The following TAF3 variants were observed in gnomAD, a reference collection of about 807,000 sequenced individuals.
TAF3 encodes transcription initiation factor TFIID subunit 3.
Under a neutral mutation model 80.6 loss-of-function variants are expected in TAF3, and 7 were observed. The ratio of observed to expected loss-of-function variants is 0.09; its 90% CI spans 0.05 to 0.16. TAF3 has a LOEUF of 0.16. TAF3 is among the 10% of genes least tolerant of loss of function. TAF3 has a pLI of 1.00. For synonymous variants in TAF3, 444 were observed against 446.1 expected (o/e 1.00, Z 0.06); for missense variants, 921 against 1,140.2 (o/e 0.81, Z 2.77).
chr10:7,904,348 A>C (rs1049412559), intron 2 of TAF3, among the ~76,000 whole-genome samples: 4 of 152,140 alleles, frequency 2.6e-5, no homozygotes, highest in African/African-American at 4.8e-5. Context: ...TTGTAGCCCT[A>C]ATACAACTGA....
chr10:7,866,284 T>C (rs1837214213), intron 2 of TAF3, among the ~76,000 whole-genome samples: 1 of 152,192 alleles, frequency 6.6e-6, no homozygotes, highest in Admixed American at 6.5e-5. Context: ...GCTTCCATGG[T>C]GCTCGCATTC....
At chr10:7,859,849 A>G (rs1442700836) in intron 2 of TAF3, among the ~76,000 whole-genome samples, 1 of 152,220 alleles carries the variant, frequency 6.6e-6, no homozygotes, top group African/African-American at 2.4e-5. Context: ...TGTTGGACAA[A>G]TGGCCGTTTC....
At chr10:7,915,415 C>T (rs1006707118) in intron 2 of TAF3, among the ~76,000 whole-genome samples, 20 of 143,126 alleles carry the variant, frequency 1.4e-4, no homozygotes, top group Admixed American at 2.8e-4. Flanking sequence ...GAGGCCGAGA[C>T]GGGTGGATCA....
chr10:7,965,299 G>A lies in TAF3; in HGVS notation c.1789G>A (p.Asp597Asn). Reference sequence around the variant, plus strand: ...CAAGTTTAAAATCAAAGAATTTGAAGATGTTGATCCCAAAGTGAAATTGAA... The same window carrying A: ...CAAGTTTAAAATCAAAGAATTTGAAAATGTTGATCCCAAAGTGAAATTGAA... The part of the protein sequence containing the change: ...PYKFKIKEFE[D>N]VDPKVKLKDG... The change falls in exon 3 of 7, where the codon GAT becomes AAT. Residue 597 changes from aspartate to asparagine, a missense_variant. Transcript: ENST00000344293. 1 of 1,606,066 alleles carries A rather than the reference G, an allele frequency of 6.2e-7. No homozygotes were observed. Among genetic ancestry groups the A allele is most frequent in the Non-Finnish European group, 8.5e-7 (1 of 1,178,180 alleles).
chr10:7,899,684 T>A (rs1402466848), intron 2 of TAF3, among the ~76,000 whole-genome samples: 4 of 152,214 alleles, frequency 2.6e-5, no homozygotes, highest in Non-Finnish European at 2.9e-5. Context: ...ATGTTCACAG[T>A]AAACATATTA....
At chr10:7,987,003 G>A (rs563274916) in intron 4 of TAF3, among the ~76,000 whole-genome samples, 6 of 152,150 alleles carry the variant, frequency 3.9e-5, no homozygotes, top group South Asian at 4.2e-4. Context: ...TGACTGTGCC[G>A]TGTGTATTTC....
intron 2 of TAF3, among the ~76,000 whole-genome samples, chr10:7,827,075 T>C (rs984602273): frequency 3.3e-5 from 5 of 152,300 alleles, no homozygotes; most frequent in Non-Finnish European, 4.4e-5. Flanking sequence ...GCTTGGTTCA[T>C]GTCAAAAAAG....
chr10:7,872,604 T>C (rs987112112), intron 2 of TAF3, among the ~76,000 whole-genome samples: 1 of 152,252 alleles, frequency 6.6e-6, no homozygotes, highest in South Asian at 2.1e-4. Context: ...GCCATAGTTA[T>C]AATATCTTGC....
chr10:7,928,742 C>G (rs545277138), intron 2 of TAF3, among the ~76,000 whole-genome samples: 3 of 152,166 alleles, frequency 2.0e-5, no homozygotes, highest in African/African-American at 7.2e-5. Flanking sequence ...GACTGGGGCC[C>G]TTTCTCTTAT....
At chr10:7,935,794 A>G (rs1837913980) in intron 2 of TAF3, among the ~76,000 whole-genome samples, 1 of 152,150 alleles carries the variant, frequency 6.6e-6, no homozygotes, top group Non-Finnish European at 1.5e-5. Flanking sequence ...GAGGCTGAAG[A>G]CTTCTCATTG....
At chr10:7,839,692 ATT>A (rs71505464) in intron 2 of TAF3, among the ~76,000 whole-genome samples, 1 of 149,954 alleles carries the variant, frequency 6.7e-6, no homozygotes, top group African/African-American at 2.5e-5. Flanking sequence ...GAGTACAATT[ATT>A]TTTTTTTTAA....
intron 4 of TAF3, among the ~76,000 whole-genome samples, chr10:7,980,633 A>G (rs1400891612): frequency 6.6e-6 from 1 of 152,230 alleles, no homozygotes; most frequent in Admixed American, 6.5e-5. Context: ...TACAGTCTCA[A>G]CACCTAGAGA....
At chr10:7,877,178 G>A (rs1422021333) in intron 2 of TAF3, among the ~76,000 whole-genome samples, 1 of 151,902 alleles carries the variant, frequency 6.6e-6, no homozygotes, top group African/African-American at 2.4e-5. Context: ...TAATTACTTA[G>A]CTTAAGTGAG....
chr10:7,830,173 A>G (rs561755132), intron 2 of TAF3, among the ~76,000 whole-genome samples: 8 of 152,188 alleles, frequency 5.3e-5, no homozygotes, highest in African/African-American at 1.7e-4. Flanking sequence ...AGCTCCTGCC[A>G]TCCTTTTCTT....
chr10:7,851,004 A>G (rs1169119707), intron 2 of TAF3, among the ~76,000 whole-genome samples: 1 of 152,204 alleles, frequency 6.6e-6, no homozygotes, highest in Admixed American at 6.5e-5. Context: ...AAGCAGATAA[A>G]CAGTCTCTGC....
At chr10:7,943,120 T>G (rs948420224) in intron 2 of TAF3, among the ~76,000 whole-genome samples, 1 of 152,190 alleles carries the variant, frequency 6.6e-6, no homozygotes, top group African/African-American at 2.4e-5. Flanking sequence ...AGGAGTCCAA[T>G]CCTGTGGTTC....
chr10:7,892,465 T>C (rs1220995179), intron 2 of TAF3, among the ~76,000 whole-genome samples: 2 of 152,242 alleles, frequency 1.3e-5, no homozygotes, highest in Non-Finnish European at 2.9e-5. Context: ...ATTGAAAACT[T>C]GCTGGGTTGC....
intron 2 of TAF3, among the ~76,000 whole-genome samples, chr10:7,902,389 C>T (rs1040391242): frequency 1.3e-5 from 2 of 152,086 alleles, no homozygotes; most frequent in Non-Finnish European, 2.9e-5. Context: ...CACCACTGCA[C>T]TCTAGCCTGG....
chr10:7,974,188 C>G (rs1831648995), intron 3 of TAF3, among the ~76,000 whole-genome samples: 1 of 150,484 alleles, frequency 6.6e-6, no homozygotes, highest in Non-Finnish European at 1.5e-5. Flanking sequence ...ACACACGAGA[C>G]TTGAATGCTA....
Sources: gnomAD v4.1 joint callset for allele counts (sites outside exome capture counted in the v4.1 genomes callset) on GRCh38, gnomAD v4.1.1 for gene constraint, MANE v1.5 for transcripts, NCBI Gene and HGNC (gene_info 2026-07-23, HGNC 2026-07-21) for gene names.